PCDHGB4: variants seen among roughly 807,000 people sequenced by gnomAD.
The protein encoded by PCDHGB4 is protocadherin gamma-B4.
A neutral mutation model predicts 60.5 loss-of-function variants in PCDHGB4; 38 were observed. That is an observed-to-expected ratio of 0.63 (90% CI 0.48 to 0.82). The LOEUF is 0.82. Among genes scored for constraint, PCDHGB4 ranks in the 40% least tolerant of loss-of-function variants. The pLI, the probability that PCDHGB4 is intolerant of heterozygous loss-of-function variation, is 0.00. For synonymous variants in PCDHGB4, 456 were observed against 509.7 expected, an observed-to-expected ratio of 0.89 and a Z score of 1.42; for missense variants, 1,109 against 1,209.6, an observed-to-expected ratio of 0.92 and a Z score of 1.23.
chr5:141,413,533 C>T (rs777022301), intron 1 of PCDHGB4: 1 of 1,613,934 alleles, frequency 6.2e-7, no homozygotes, highest in Admixed American at 1.7e-5. Context: ...CAGGGTGAAA[C>T]TTTTTGGGAT....
At chr5:141,400,000 G>A (rs765622041) in intron 1 of PCDHGB4, 1 of 1,612,388 alleles carries the variant, frequency 6.2e-7, no homozygotes, top group Non-Finnish European at 8.5e-7. Context: ...GGTGCGCACA[G>A]CGCGTGCCTT....
chr5:141,428,587 G>C (rs914718913), intron 1 of PCDHGB4: 6 of 226,650 alleles, frequency 2.6e-5, no homozygotes, highest in Non-Finnish European at 5.3e-5. Flanking sequence ...AGTTTCTCTG[G>C]TAGCAAGCTT....
intron 1 of PCDHGB4, chr5:141,392,870 G>A (rs757363357): frequency 6.2e-7 from 1 of 1,613,226 alleles, no homozygotes; most frequent in East Asian, 2.2e-5. Flanking sequence ...TGTGCGCGCT[G>A]CTGGGAACGC....
rs142995927 is a variant in PCDHGB4, at chr5:141,489,933, C to T, written c.2398-4874C>T. 38 of 1,614,064 alleles carry T rather than the reference C, an allele frequency of 2.4e-5. No homozygotes were observed. The highest frequency in any genetic ancestry group is 1.8e-4 in the South Asian group (16 of 91,084). On this transcript the variant is annotated intron_variant, in intron 1 of 3. Transcript: ENST00000519479. This position sits in a 1 kb window ranked among gnomAD's most constrained non-coding sequence, Gnocchi z 4.5. ...CAGGGACCACCCTTATCTCTGTCAT[C>T]GTGCTGGACATCAATGATAATGCTC...
In PCDHGB4 at chr5:141,491,049, G is replaced by A. The variant is rs369146505; in HGVS notation, c.2398-3758G>A. Reference sequence around the variant, plus strand: ...TGGATGCTGATGCAGGCCACAATGCGTGGCTCTCCTACTCACTGTTGCCAC... The same window carrying A: ...TGGATGCTGATGCAGGCCACAATGCATGGCTCTCCTACTCACTGTTGCCAC... On this transcript the variant is annotated intron_variant, in intron 1 of 3. Coordinates refer to ENST00000519479, the MANE Select transcript of PCDHGB4 (RefSeq NM_003736.4). This position sits in a 1 kb window ranked among gnomAD's most constrained non-coding sequence, Gnocchi z 6.9. The A allele has an allele frequency of 3.3e-5, 53 of 1,614,116 alleles. No individual in the cohort carries two copies. The African/African-American group carries it at 5.5e-4, about 17-fold the overall frequency.
At chr5:141,411,982 A>T (rs2154543855) in intron 1 of PCDHGB4, 1 of 152,346 alleles carries the variant, frequency 6.6e-6, no homozygotes, top group East Asian at 1.9e-4. Context: ...AGAGTTCTAT[A>T]CTTGGAAGGC....
chr5:141,403,419 A>G, intron 1 of PCDHGB4: 1 of 1,614,050 alleles, frequency 6.2e-7, no homozygotes, highest in Non-Finnish European at 8.5e-7. Context: ...CCACTTCCAG[A>G]AGCTATTGAT....
At chr5:141,460,795 G>A (rs1007673184) in intron 1 of PCDHGB4, among the ~76,000 whole-genome samples, 3 of 151,492 alleles carry the variant, frequency 2.0e-5, no homozygotes, top group African/African-American at 4.9e-5. Flanking sequence ...TACACACAAA[G>A]TATATATATG....
At chr5:141,494,976 G>A in intron 2 of PCDHGB4, 111 bp downstream of exon 2, 1 of 1,575,636 alleles carries the variant, frequency 6.3e-7, no homozygotes. Flanking sequence ...TTCTCCCTCA[G>A]TTTGAGATCC....
chr5:141,483,168 C>A (rs750259590), intron 1 of PCDHGB4, among the ~76,000 whole-genome samples: 3 of 152,104 alleles, frequency 2.0e-5, no homozygotes, highest in Non-Finnish European at 4.4e-5. Context: ...CCTGAGTTAC[C>A]TTTGGGCCAA....
At chr5:141,421,973 G>C in intron 1 of PCDHGB4, 1 of 1,610,100 alleles carries the variant, frequency 6.2e-7, no homozygotes, top group Non-Finnish European at 8.5e-7. Context: ...TCCGTATATC[G>C]CGTGAGTGTT....
At chr5:141,420,945 G>C in intron 1 of PCDHGB4, 1 of 396,520 alleles carries the variant, frequency 2.5e-6, no homozygotes, top group South Asian at 5.1e-5. Flanking sequence ...ATTTCTTCTG[G>C]AATTTCTTAG....
At chr5:141,416,589 TTA>T (rs1386515449) in intron 1 of PCDHGB4, 2 of 151,996 alleles carry the variant, frequency 1.3e-5, no homozygotes, top group African/African-American at 4.8e-5. Context: ...CAAAATAAAC[TTA>T]GAGTCAAGAA....
chr5:141,408,439 G>A (rs1057408625), intron 1 of PCDHGB4: 4 of 1,613,950 alleles, frequency 2.5e-6, no homozygotes, highest in Non-Finnish European at 3.4e-6. Flanking sequence ...GCGTAGACGC[G>A]GAGAGCGGGG....
intron 1 of PCDHGB4, among the ~76,000 whole-genome samples, chr5:141,439,168 G>C (rs2098092980): frequency 6.6e-6 from 1 of 150,792 alleles, no homozygotes; most frequent in Non-Finnish European, 1.5e-5. Context: ...ACTCCAGCCT[G>C]GGCGACATAG....
At chr5:141,436,752 A>G (rs2097844842) in intron 1 of PCDHGB4, among the ~76,000 whole-genome samples, 2 of 152,194 alleles carry the variant, frequency 1.3e-5, no homozygotes, top group South Asian at 4.1e-4. Context: ...GCTTCTCCAT[A>G]TGGTATAATG....
Position 141,489,732 on chromosome 5 carries a change from C to T in PCDHGB4, c.2398-5075C>T, listed in dbSNP as rs1562132763. On this transcript the variant is annotated intron_variant, in intron 1 of 3. Coordinates refer to ENST00000519479, the MANE Select transcript of PCDHGB4 (RefSeq NM_003736.4). This position sits in a 1 kb window ranked among gnomAD's most constrained non-coding sequence, Gnocchi z 4.5. ...GTGCCCAGGATCCGGATGTGGGCAC[C>T]AATACTGTGAGCTTTTACACTCTAA... 3.1e-6 allele frequency: 5 copies of T among 1,614,126 alleles called. No individual in the cohort carries two copies. The highest frequency in any genetic ancestry group is 1.1e-5 in the South Asian group (1 of 91,074).
chr5:141,412,233 A>G (rs866840267), intron 1 of PCDHGB4: 4 of 152,256 alleles, frequency 2.6e-5, no homozygotes, highest in Admixed American at 6.5e-5. Context: ...TTAAAAACCT[A>G]TATCACTACA....
At chr5:141,488,951 A>G (rs2099680664) in intron 1 of PCDHGB4, among the ~76,000 whole-genome samples, 1 of 152,118 alleles carries the variant, frequency 6.6e-6, no homozygotes, top group Admixed American at 6.5e-5. Flanking sequence ...ATTGGTTGAG[A>G]GCACACAGAC....
Sources: gnomAD v4.1 joint callset for allele counts (sites outside exome capture counted in the v4.1 genomes callset) on GRCh38, gnomAD v4.1.1 for gene constraint, Gnocchi (gnomAD v3.1) non-coding constraint, MANE v1.5 for transcripts, NCBI Gene and HGNC (gene_info 2026-07-23, HGNC 2026-07-21) for gene names.